Variants in DCC observed in about 807,000 individuals in gnomAD.
DCC encodes the protein DCC netrin 1 receptor.
In DCC, 58 loss-of-function variants were observed where a neutral mutation model predicts 172.5. The observed-to-expected ratio is 0.34, with a 90% CI of 0.27 to 0.42. DCC has a LOEUF of 0.42. DCC is among the 10% of genes least tolerant of loss of function. The pLI, the probability that DCC is intolerant of heterozygous loss-of-function variation, is 1.00. For missense variants in DCC, 1,740 were observed against 1,791.0 expected (o/e 0.97, Z 0.51); for synonymous variants, 709 against 644.5 (o/e 1.10, Z -1.52).
At position 52,509,841 on chromosome 18, in the gene DCC, C is replaced by T. The variant is rs184626296; in HGVS notation, c.91+168963C>T. ...AGCATGAGCTGGGCACGGTGGCTCACGTCTGTAATCCAGCACTTTGGGAGG... is the reference window on the plus strand; with the variant it reads ...AGCATGAGCTGGGCACGGTGGCTCATGTCTGTAATCCAGCACTTTGGGAGG... On this transcript the variant is annotated intron_variant, in intron 1 of 28. Transcript: ENST00000442544. 5.5e-3 allele frequency among the ~76,000 whole-genome samples: 833 copies of T among 152,254 alleles called. 17 individuals are homozygous for T. In the East Asian group the frequency reaches 0.069, roughly 13 times the overall value.
chr18:52,573,735 C>T (rs893134778), intron 1 of DCC, among the ~76,000 whole-genome samples: 11 of 152,110 alleles, frequency 7.2e-5, no homozygotes, highest in African/African-American at 2.7e-4. Context: ...CCATAAAGAC[C>T]ATCTTGAGCA....
At chr18:53,377,389 G>GAGAGAGAGAGAGAGAGAGAGAGAGAGA (rs56300801) in intron 15 of DCC, among the ~76,000 whole-genome samples, 2 of 148,030 alleles carry the variant, frequency 1.4e-5, no homozygotes, top group African/African-American at 5.0e-5. Context: ...GAGAGAGAGA[G>GAGAGAGAGAGAGAGAGAGAGAGAGAGA]GAAGAAGGCC....
chr18:53,076,547 T>A (rs1568287931), intron 7 of DCC, among the ~76,000 whole-genome samples: 1 of 152,306 alleles, frequency 6.6e-6, no homozygotes, highest in East Asian at 1.9e-4. Context: ...CCCGTGGCAA[T>A]GCATTTATGC....
chr18:53,486,332 T>A (rs2045899605), intron 25 of DCC, among the ~76,000 whole-genome samples: 1 of 152,210 alleles, frequency 6.6e-6, no homozygotes, highest in Admixed American at 6.5e-5. Context: ...CTTCTCTCTC[T>A]CTCGACTGTC....
chr18:52,778,168 G>T (rs1419859156), intron 2 of DCC, among the ~76,000 whole-genome samples: 2 of 152,162 alleles, frequency 1.3e-5, no homozygotes, highest in Non-Finnish European at 2.9e-5. Context: ...AATACACTAT[G>T]TAGAGACGTG....
At position 53,467,901 on chromosome 18, in the gene DCC, C is replaced by T. The variant is rs143311452; in HGVS notation, c.3627C>T (p.Asp1209=). The T allele has an allele frequency of 1.1e-4, 181 of 1,581,216 alleles. No individual in the cohort carries two copies. The highest frequency in any genetic ancestry group is 5.0e-4 in the Middle Eastern group (3 of 5,998). Residue 1209 remains aspartate (D), a synonymous_variant, in exon 25 of 29, where the codon GAC becomes GAT. Transcript: ENST00000442544. ...GGAGTGTGTATTTTTTAGGTCAAGACACTGAGGAAGCAGGGAGCTCTATGT... is the reference window on the plus strand; with the variant it reads ...GGAGTGTGTATTTTTTAGGTCAAGATACTGAGGAAGCAGGGAGCTCTATGT... ...GSKSTSHSGQ[D]TEEAGSSMST...
intron 5 of DCC, among the ~76,000 whole-genome samples, chr18:52,925,962 ATTC>A (rs776491363): frequency 7.9e-5 from 12 of 151,338 alleles, no homozygotes; most frequent in Non-Finnish European, 1.8e-4. Flanking sequence ...CAAACAAATA[ATTC>A]TTCTACATGG....
At chr18:53,464,639 C>A (rs1314676704) in intron 24 of DCC, among the ~76,000 whole-genome samples, 1 of 150,748 alleles carries the variant, frequency 6.6e-6, no homozygotes, top group African/African-American at 2.4e-5. Context: ...AAAAAAAAAA[C>A]TGAAAACCCA....
chr18:53,000,072 G>T (rs774316677), intron 5 of DCC, among the ~76,000 whole-genome samples: 1 of 151,974 alleles, frequency 6.6e-6, no homozygotes, highest in African/African-American at 2.4e-5. Flanking sequence ...TCTACCCAGG[G>T]TCTCAGAGCA....
intron 1 of DCC, among the ~76,000 whole-genome samples, chr18:52,657,932 C>T (rs1455718806): frequency 6.6e-6 from 1 of 152,176 alleles, no homozygotes; most frequent in East Asian, 1.9e-4. Flanking sequence ...CCGCGTTAAT[C>T]ACCACACTTC....
chr18:53,434,779 T>G (rs1158403008), intron 21 of DCC, among the ~76,000 whole-genome samples: 1 of 152,182 alleles, frequency 6.6e-6, no homozygotes, highest in East Asian at 1.9e-4. Context: ...CTGCAGGACC[T>G]AGGAGCCAGG....
chr18:53,282,048 C>T (rs1344963369), intron 12 of DCC, among the ~76,000 whole-genome samples: 1 of 135,184 alleles, frequency 7.4e-6, no homozygotes, highest in Non-Finnish European at 1.6e-5. Flanking sequence ...TGATAACTTC[C>T]CAGGGAGAAA....
chr18:52,587,444 G>A (rs763411217), intron 1 of DCC, among the ~76,000 whole-genome samples: 6 of 152,190 alleles, frequency 3.9e-5, no homozygotes, highest in Admixed American at 6.5e-5. Flanking sequence ...CCGTTGGTGA[G>A]CACTCATGTG....
Position 52,488,500 on chromosome 18 carries a change from G to T in DCC, c.91+147622G>T, listed in dbSNP as rs554119692. Among the ~76,000 whole-genome samples, 5 of 152,152 alleles carry T rather than the reference G, an allele frequency of 3.3e-5. No homozygotes were observed. The South Asian group carries it at 1.0e-3, about 32-fold the overall frequency. ...TGGATTGAGCACTTGCATTAGTGTA[G>T]GAAAATCTGCAGGTAGAAAGGAGAG... On this transcript the variant is annotated intron_variant, in intron 1 of 28. Coordinates refer to ENST00000442544, the MANE Select transcript of DCC (RefSeq NM_005215.4).
intron 12 of DCC, among the ~76,000 whole-genome samples, chr18:53,255,416 C>T (rs1598951643): frequency 1.5e-5 from 2 of 136,484 alleles, no homozygotes; most frequent in South Asian, 4.8e-4. Flanking sequence ...CTTCCTGTGT[C>T]CATGTGTCCT....
intron 2 of DCC, among the ~76,000 whole-genome samples, chr18:52,869,412 G>T (rs2039281877): frequency 6.6e-6 from 1 of 152,324 alleles, no homozygotes; most frequent in South Asian, 2.1e-4. Flanking sequence ...ATGATCCTCA[G>T]AGTGGAGGAA....
intron 5 of DCC, among the ~76,000 whole-genome samples, chr18:52,983,532 G>A (rs1025710346): frequency 3.3e-5 from 5 of 152,152 alleles, no homozygotes; most frequent in African/African-American, 1.2e-4. Context: ...CAAAAGAGAA[G>A]AGGGTCAGTT....
intron 12 of DCC, among the ~76,000 whole-genome samples, chr18:53,218,181 G>A (rs566531878): frequency 6.6e-6 from 1 of 152,184 alleles, no homozygotes; most frequent in South Asian, 2.1e-4. Context: ...TTTTACTTGG[G>A]ATTTTAAGAT....
At chr18:53,389,309 T>C (rs1009735283) in intron 16 of DCC, among the ~76,000 whole-genome samples, 1 of 152,328 alleles carries the variant, frequency 6.6e-6, no homozygotes, top group East Asian at 1.9e-4. Context: ...AACAAAAGAA[T>C]GTGTTAAATT....
Sources: gnomAD v4.1 joint callset for allele counts (sites outside exome capture counted in the v4.1 genomes callset) on GRCh38, gnomAD v4.1.1 for gene constraint, MANE v1.5 for transcripts, NCBI Gene and HGNC (gene_info 2026-07-23, HGNC 2026-07-21) for gene names.